The following RILPL1 variants were observed in gnomAD, a reference collection of about 807,000 sequenced individuals.
RILPL1 encodes RILP-like protein 1.
RILPL1 carries 33 observed loss-of-function variants against 50.3 expected under a neutral mutation model. The observed-to-expected ratio is 0.66, with a 90% CI of 0.50 to 0.88. RILPL1 has a LOEUF of 0.88. Ranked by LOEUF, RILPL1 falls within the 40% of genes least tolerant of loss-of-function variation. The pLI is 0.00. For synonymous variants in RILPL1, 205 were observed against 228.6 expected, an observed-to-expected ratio of 0.90 and a Z score of 0.93; for missense variants, 418 against 542.5, an observed-to-expected ratio of 0.77 and a Z score of 2.28.
At position 123,485,727 on chromosome 12, in the gene RILPL1, A is replaced by C. The variant is rs1566117351; in HGVS notation, c.880T>G (p.Phe294Val). The change falls in exon 5 of 7, where the codon TTC becomes GTC. Residue 294 changes from phenylalanine (F) to valine (V), a missense_variant. Physicochemically the swap from Phe to Val is conservative, Grantham distance 50. Coordinates refer to ENST00000376874, the MANE Select transcript of RILPL1 (RefSeq NM_178314.5). The surrounding 1 kb of genome is among the most constrained non-coding windows in gnomAD (Gnocchi z 4.0). ...MDLKDPNRPRFTLQELRDVLH... is the reference protein window; with the variant it reads ...MDLKDPNRPRVTLQELRDVLH... Reference sequence around the variant, plus strand: ...ACGTCCCGCAGCTCCTGCAGGGTGAACCGGGGGCGGTTGGGGTCCTTGAGA... The same window carrying C: ...ACGTCCCGCAGCTCCTGCAGGGTGACCCGGGGGCGGTTGGGGTCCTTGAGA... 6.2e-7 allele frequency: 1 copy of C among 1,613,116 alleles called. No individual in the cohort carries two copies. Among genetic ancestry groups the C allele is most frequent in the Non-Finnish European group, 8.5e-7 (1 of 1,179,610 alleles).
chr12:123,508,100 AC>A (rs1883866113), intron 2 of RILPL1, among the ~76,000 whole-genome samples: 1 of 151,934 alleles, frequency 6.6e-6, no homozygotes, highest in Non-Finnish European at 1.5e-5. Flanking sequence ...TATTCTAAAA[AC>A]CACTGAGTTG....
In RILPL1 at chr12:123,520,490, T is replaced by C. The variant is rs1317560501; in HGVS notation, c.460+3005A>G. Among the ~76,000 whole-genome samples, 3 of 151,906 alleles carry C rather than the reference T, an allele frequency of 2.0e-5. No homozygotes were observed. The East Asian group carries it at 5.8e-4, about 29-fold the overall frequency. ...AGGAGGATCACTTGAACCTGGGAGG[T>C]GGAGGTTGCAGTGAGCCAAGATTGC... On this transcript the variant is annotated intron_variant, in intron 2 of 6. Transcript: ENST00000376874.
At chr12:123,527,619 T>C (rs1336138176) in intron 1 of RILPL1, among the ~76,000 whole-genome samples, 3 of 149,676 alleles carry the variant, frequency 2.0e-5, no homozygotes, top group African/African-American at 2.5e-5. Context: ...GCCGAGATCA[T>C]GCCACTGCAC....
rs973472569 is a variant in RILPL1 at position 123,485,306 on chromosome 12, T to C, written c.974+327A>G. On this transcript the variant is annotated intron_variant, in intron 5 of 6. Coordinates refer to ENST00000376874, the MANE Select transcript of RILPL1 (RefSeq NM_178314.5). The surrounding 1 kb of genome is among the most constrained non-coding windows in gnomAD (Gnocchi z 4.0). ...ATAGACCATTAACACCGGGGCCGGG[T>C]TTCATTCATTCATTCATTTAAAAAA... is the stretch of plus-strand genomic sequence containing the variant. 2.2e-6 allele frequency: 1 copy of C among 462,948 alleles called. No individual in the cohort carries two copies. Among genetic ancestry groups the C allele is most frequent in the East Asian group, 6.1e-5 (1 of 16,410 alleles). 28.7% of individuals were successfully genotyped at this position (462,948 alleles called of 1,614,324 possible). A position where few individuals can be genotyped will look rare whatever the true frequency, so the allele number is the denominator to read the frequency against.
intron 4 of RILPL1, among the ~76,000 whole-genome samples, chr12:123,497,062 C>T (rs1371786578): frequency 1.3e-5 from 2 of 152,220 alleles, no homozygotes; most frequent in Non-Finnish European, 2.9e-5. Flanking sequence ...TTGGGCCTGG[C>T]TTCTTTCACT....
intron 2 of RILPL1, chr12:123,513,547 A>T (rs975883577): frequency 4.8e-6 from 1 of 207,796 alleles, no homozygotes; most frequent in African/African-American, 2.3e-5. Context: ...TCGGCCTCTT[A>T]GTTGCTTTCC....
At chr12:123,532,050 G>C (rs763986158) in intron 1 of RILPL1, among the ~76,000 whole-genome samples, 1 of 152,150 alleles carries the variant, frequency 6.6e-6, no homozygotes, top group African/African-American at 2.4e-5. Flanking sequence ...CAGGTAAAGG[G>C]TTCAGACCCA....
chr12:123,525,920 AAAAC>A (rs149762500), intron 1 of RILPL1, among the ~76,000 whole-genome samples: 38,064 of 151,346 alleles, frequency 0.25, 5,149 homozygotes, highest in African/African-American at 0.35. Flanking sequence ...ACCCCCGCAA[AAAAC>A]AAACAAACAA....
At chr12:123,511,396 A>T (rs1409354218) in intron 2 of RILPL1, among the ~76,000 whole-genome samples, 18 of 48,120 alleles carry the variant, frequency 3.7e-4, no homozygotes, top group South Asian at 6.1e-4. Context: ...GTGGTGTGTG[A>T]GGTCTGTGTG....
chr12:123,478,709 TC>T (rs1446379557), intron 6 of RILPL1, among the ~76,000 whole-genome samples: 2 of 151,722 alleles, frequency 1.3e-5, no homozygotes, highest in East Asian at 3.9e-4. Context: ...GCTTCCCCGG[TC>T]CCCCCTCTAT....
At position 123,495,375 on chromosome 12, in the gene RILPL1, A is replaced by ATT. The variant is rs34446983; in HGVS notation, c.801+3167_801+3168dup. ...TAAATTCGTTTTTTCCCTCTTAAAC[A>ATT]TTTTTTTTTTTTTTTTTGAGACAGA... On this transcript the variant is annotated intron_variant, in intron 4 of 6. Coordinates refer to ENST00000376874, the MANE Select transcript of RILPL1 (RefSeq NM_178314.5). Among the ~76,000 whole-genome samples the ATT allele has an allele frequency of 8.0e-3, 1,092 of 137,160 alleles. 14 individuals are homozygous for ATT. Among genetic ancestry groups the ATT allele is most frequent in the African/African-American group, 0.027 (994 of 36,546 alleles). The allele number at this position is 137,160 out of a possible 152,430, so 90.0% of individuals were successfully genotyped here.
chr12:123,527,902 C>T (rs756789017), intron 1 of RILPL1, among the ~76,000 whole-genome samples: 2 of 152,090 alleles, frequency 1.3e-5, no homozygotes, highest in African/African-American at 4.8e-5. Flanking sequence ...CCACAGCCCC[C>T]CAAAGGAGTG....
At chr12:123,474,390 C>T (rs11522340) in intron 6 of RILPL1, 78,672 of 152,032 alleles carry the variant, frequency 0.52, 22,913 homozygotes, top group East Asian at 0.99. Context: ...CTCGCTCTGT[C>T]ATCCAGGCTG....
Position 123,498,388 on chromosome 12 carries a change from TA to T in RILPL1, c.801+155del, listed in dbSNP as rs1422467691. Among the ~76,000 whole-genome samples, 1 of 151,808 alleles carries T rather than the reference TA, an allele frequency of 6.6e-6. No individual in the cohort carries two copies. The highest frequency in any genetic ancestry group is 1.5e-5 in the Non-Finnish European group (1 of 67,948). ...GTGTGCACCACCACGCGTGGCTAATTAAAAAAAATGTTTGTAGAGAATTGGG... is the reference window on the plus strand; with the variant it reads ...GTGTGCACCACCACGCGTGGCTAATTAAAAAAATGTTTGTAGAGAATTGGG... On this transcript the variant is annotated intron_variant, in intron 4 of 6. Transcript: ENST00000376874. The surrounding 1 kb of genome is among the most constrained non-coding windows in gnomAD (Gnocchi z 4.3).
chr12:123,511,464 G>T (rs1458131415), intron 2 of RILPL1, among the ~76,000 whole-genome samples: 2 of 122,222 alleles, frequency 1.6e-5, no homozygotes, highest in African/African-American at 3.7e-5. Context: ...GTGTGTGTGA[G>T]GTCTGTGTGT....
rs559185879 is a variant in RILPL1 at position 123,476,009 on chromosome 12, T to G, written c.1068-3327A>C. 86 of 391,620 alleles carry G rather than the reference T, an allele frequency of 2.2e-4. 1 individual carries two copies. The highest frequency in any genetic ancestry group is 2.0e-3 in the South Asian group (77 of 38,480). The allele number at this position is 391,620 out of a possible 1,614,324, so 24.3% of individuals were successfully genotyped here. A position where few individuals can be genotyped will look rare whatever the true frequency, so the allele number is the denominator to read the frequency against. On this transcript the variant is annotated intron_variant, in intron 6 of 6. Transcript: ENST00000376874. ...ACCTCCTCCTCCCGGGTTCAAGCGATTCTCCTGCCTTAGCCTCCTGAGTGG... is the reference window on the plus strand; with the variant it reads ...ACCTCCTCCTCCCGGGTTCAAGCGAGTCTCCTGCCTTAGCCTCCTGAGTGG...
intron 4 of RILPL1, among the ~76,000 whole-genome samples, chr12:123,488,220 C>T (rs1882464500): frequency 6.6e-6 from 1 of 152,098 alleles, no homozygotes; most frequent in East Asian, 1.9e-4. Context: ...AGGAGGATCA[C>T]TAGAACCCAG....
chr12:123,494,724 G>A (rs1249212016), intron 4 of RILPL1, among the ~76,000 whole-genome samples: 1 of 152,174 alleles, frequency 6.6e-6, no homozygotes, highest in Non-Finnish European at 1.5e-5. Flanking sequence ...CATAGATTGA[G>A]TTCAGCCCTC....
chr12:123,489,449 A>T lies in RILPL1; in HGVS notation c.802-3644T>A, dbSNP rs1422853314. On this transcript the variant is annotated intron_variant, in intron 4 of 6. Transcript: ENST00000376874. This position sits in a 1 kb window ranked among gnomAD's most constrained non-coding sequence, Gnocchi z 4.0. Reference sequence around the variant, plus strand: ...GGAAGCTGAGGTGGGTGGATCACGAAGTCAGGAGATCGAGACCAGCCTGGC... The same window carrying T: ...GGAAGCTGAGGTGGGTGGATCACGATGTCAGGAGATCGAGACCAGCCTGGC... Among the ~76,000 whole-genome samples, 1 of 152,004 alleles carries T rather than the reference A, an allele frequency of 6.6e-6. No homozygotes were observed.
Sources: gnomAD v4.1 joint callset for allele counts (sites outside exome capture counted in the v4.1 genomes callset) on GRCh38, gnomAD v4.1.1 for gene constraint, Gnocchi (gnomAD v3.1) non-coding constraint, MANE v1.5 for transcripts, NCBI Gene and HGNC (gene_info 2026-07-23, HGNC 2026-07-21) for gene names.